The following CCSER1 variants were observed in gnomAD, a reference collection of about 807,000 sequenced individuals.
The protein encoded by CCSER1 is coiled-coil serine rich protein 1.
A neutral mutation model predicts 82.0 loss-of-function variants in CCSER1; 41 were observed. The observed-to-expected ratio is 0.50, with a 90% CI of 0.39 to 0.65. CCSER1 has a LOEUF of 0.65. Ranked by LOEUF, CCSER1 falls within the 30% of genes least tolerant of loss-of-function variation. The pLI is 0.00. For missense variants in CCSER1, 1,119 were observed against 1,064.2 expected (o/e 1.05, Z -0.72); for synonymous variants, 414 against 383.9 (o/e 1.08, Z -0.92).
intron 5 of CCSER1, among the ~76,000 whole-genome samples, chr4:90,601,684 G>A (rs10031119): frequency 0.45 from 67,327 of 150,452 alleles, 17,425 homozygotes; most frequent in African/African-American, 0.72. Context: ...TCTCTAATAT[G>A]GGTGTTTAGT....
chr4:91,003,978 G>T (rs1230849126), intron 9 of CCSER1, among the ~76,000 whole-genome samples: 1 of 152,178 alleles, frequency 6.6e-6, no homozygotes, highest in Non-Finnish European at 1.5e-5. Context: ...CTTCTTCCAT[G>T]ATCTAGACCT....
intron 10 of CCSER1, among the ~76,000 whole-genome samples, chr4:91,265,230 A>G (rs1395154209): frequency 6.6e-6 from 1 of 152,072 alleles, no homozygotes. Context: ...TGATTAATTT[A>G]GAACTGTTTC....
At chr4:91,174,835 T>C (rs897740885) in intron 10 of CCSER1, among the ~76,000 whole-genome samples, 3 of 144,734 alleles carry the variant, frequency 2.1e-5, no homozygotes, top group African/African-American at 5.1e-5. Flanking sequence ...TTTTTTTTTT[T>C]ATTATACTTT....
At chr4:90,616,029 T>G (rs990303633) in intron 5 of CCSER1, among the ~76,000 whole-genome samples, 1 of 152,202 alleles carries the variant, frequency 6.6e-6, no homozygotes, top group African/African-American at 2.4e-5. Context: ...TAGCAAAAGA[T>G]TAGGACTCAT....
At chr4:90,531,161 G>A (rs967597678) in intron 5 of CCSER1, among the ~76,000 whole-genome samples, 1 of 144,366 alleles carries the variant, frequency 6.9e-6, no homozygotes, top group African/African-American at 2.5e-5. Flanking sequence ...TTGGCCTTTT[G>A]TTTTTTTTTT....
intron 3 of CCSER1, among the ~76,000 whole-genome samples, chr4:90,368,142 T>A (rs1746600671): frequency 6.6e-6 from 1 of 151,766 alleles, no homozygotes; most frequent in Non-Finnish European, 1.5e-5. Flanking sequence ...AATTAACAGA[T>A]AGGAAGTTCT....
At chr4:90,304,817 AAAAT>A (rs1205835641) in intron 1 of CCSER1, among the ~76,000 whole-genome samples, 2 of 152,170 alleles carry the variant, frequency 1.3e-5, no homozygotes, top group African/African-American at 2.4e-5. Context: ...AAAATAAAAA[AAAAT>A]AAAATTGTTT....
chr4:90,811,784 G>A (rs981354806), intron 7 of CCSER1, among the ~76,000 whole-genome samples: 6 of 151,928 alleles, frequency 3.9e-5, no homozygotes, highest in Non-Finnish European at 5.9e-5. Flanking sequence ...TATGTTTAGT[G>A]AGTAGTTGTA....
intron 10 of CCSER1, among the ~76,000 whole-genome samples, chr4:91,490,873 C>CATATATATATATATAT (rs778476142): frequency 6.1e-5 from 1 of 16,414 alleles, no homozygotes; most frequent in African/African-American, 1.3e-4. Flanking sequence ...TCAGGCACTC[C>CATATATATATATATAT]ATATATATAT....
chr4:90,932,552 A>G (rs1185840243), intron 9 of CCSER1, among the ~76,000 whole-genome samples: 2 of 151,998 alleles, frequency 1.3e-5, no homozygotes, highest in Non-Finnish European at 2.9e-5. Context: ...CTTAGAGCCC[A>G]GCGCGGTGCC....
chr4:91,359,117 A>G (rs1749077245), intron 10 of CCSER1, among the ~76,000 whole-genome samples: 1 of 151,918 alleles, frequency 6.6e-6, no homozygotes, highest in Admixed American at 6.6e-5. Flanking sequence ...AAGATTTCAC[A>G]TGAAAGGGTC....
rs369048218 is a variant in CCSER1 at position 90,167,984 on chromosome 4, C to A, written c.-42+40153C>A. 5.3e-5 allele frequency among the ~76,000 whole-genome samples: 8 copies of A among 152,106 alleles called. No individual in the cohort carries two copies. The East Asian group carries it at 9.7e-4, about 18-fold the overall frequency. ...GCATGATTTATAATCCTTTGGGTAT[C>A]TACCCAGTAATGGGATGGCTGGGTC... On this transcript the variant is annotated intron_variant, in intron 1 of 10. Transcript: ENST00000509176.
chr4:91,284,321 T>C (rs1224093969), intron 10 of CCSER1, among the ~76,000 whole-genome samples: 1 of 152,122 alleles, frequency 6.6e-6, no homozygotes, highest in African/African-American at 2.4e-5. Context: ...CTAGTGAATT[T>C]AAAGCAAACT....
chr4:90,308,314 C>T lies in CCSER1; in HGVS notation c.30C>T (p.Thr10=), dbSNP rs200195268. 2 of 1,597,058 alleles carry T rather than the reference C, an allele frequency of 1.3e-6. No homozygotes were observed. The change falls in exon 2 of 11, where the codon ACC becomes ACT. Residue 10 remains threonine (T), a synonymous_variant. Coordinates refer to ENST00000509176, the MANE Select transcript of CCSER1 (RefSeq NM_001145065.2). ...GGGACTCAGGATCAAGACGATCTACCCTGGTCTCCCGGTTGCCAATATTCA... is the reference window on the plus strand; with the variant it reads ...GGGACTCAGGATCAAGACGATCTACTCTGGTCTCCCGGTTGCCAATATTCA... MGDSGSRRS[T]LVSRLPIFRR...
chr4:90,506,710 A>T (rs1770740006), intron 5 of CCSER1, among the ~76,000 whole-genome samples: 2 of 151,880 alleles, frequency 1.3e-5, no homozygotes, highest in South Asian at 4.2e-4. Context: ...GGTCACATTG[A>T]GCCAAAATTG....
chr4:91,601,931 A>AT lies in CCSER1; in HGVS notation c.*2881dup, dbSNP rs1276136362. On this transcript the variant is annotated 3_prime_UTR_variant, in exon 11 of 11. Transcript: ENST00000509176. ...AAACTGTATTTCTATGAACTCAATG[A>AT]TTTTTTTCCATAAAATTATATGCTA... 2.6e-5 allele frequency: 4 copies of AT among 152,080 alleles called. No individual in the cohort carries two copies. The East Asian group carries it at 5.8e-4, about 22-fold the overall frequency. 9.4% of individuals were successfully genotyped at this position (152,080 alleles called of 1,614,324 possible).
At chr4:90,580,258 A>G (rs1781281132) in intron 5 of CCSER1, among the ~76,000 whole-genome samples, 1 of 152,158 alleles carries the variant, frequency 6.6e-6, no homozygotes, top group Admixed American at 6.5e-5. Context: ...CCACAGGTCA[A>G]TGCCAGGTTC....
chr4:90,242,437 A>G (rs1481350400), intron 1 of CCSER1, among the ~76,000 whole-genome samples: 1 of 152,250 alleles, frequency 6.6e-6, no homozygotes, highest in Admixed American at 6.5e-5. Flanking sequence ...ATACTATAGT[A>G]CGAAGAAATG....
At chr4:91,374,850 G>A (rs749390482) in intron 10 of CCSER1, among the ~76,000 whole-genome samples, 2 of 152,124 alleles carry the variant, frequency 1.3e-5, no homozygotes, top group Middle Eastern at 3.2e-3. Context: ...ACAAAAATTA[G>A]CCAGGCATGG....
Sources: allele counts gnomAD v4.1 joint callset (sites outside exome capture counted in the v4.1 genomes callset), GRCh38; gene constraint gnomAD v4.1.1; transcripts MANE v1.5; gene names NCBI Gene and HGNC (gene_info 2026-07-23, HGNC 2026-07-21).